NRG3: variants seen among roughly 807,000 people sequenced by gnomAD.
The protein encoded by NRG3 is neuregulin 3.
In NRG3, 31 loss-of-function variants were observed where a neutral mutation model predicts 66.9. The ratio of observed to expected loss-of-function variants is 0.46; its 90% CI spans 0.35 to 0.63. The LOEUF is 0.63. Ranked by LOEUF, NRG3 falls within the 20% of genes least tolerant of loss-of-function variation. The pLI is 0.00. For missense variants in NRG3, 910 were observed against 878.9 expected (o/e 1.04, Z -0.45); for synonymous variants, 393 against 359.4 (o/e 1.09, Z -1.06).
chr10:82,022,933 A>T (rs1031464713), intron 1 of NRG3, among the ~76,000 whole-genome samples: 1 of 150,848 alleles, frequency 6.6e-6, no homozygotes, highest in Admixed American at 6.6e-5. Context: ...TATAAAAATT[A>T]TATATATATT....
chr10:82,505,966 G>A (rs11194745), intron 2 of NRG3, among the ~76,000 whole-genome samples: 8,481 of 152,300 alleles, frequency 0.056, 518 homozygotes, highest in East Asian at 0.17. Flanking sequence ...GACTGTGCAA[G>A]GGCCAGGCGC....
chr10:82,259,807 C>G (rs1187422849), intron 1 of NRG3, among the ~76,000 whole-genome samples: 1 of 152,018 alleles, frequency 6.6e-6, no homozygotes, highest in African/African-American at 2.4e-5. Flanking sequence ...TGCTGCACAC[C>G]TATAGTCCCA....
rs1342568001 is a variant in NRG3, at chr10:82,845,216, A to G, written c.1028-20195A>G. On this transcript the variant is annotated intron_variant, in intron 3 of 8. Transcript: ENST00000372141. Reference sequence around the variant, plus strand: ...GTATTACATGCTTGTTTTGACTTCTATACATGCCAGTAGTGGTGCCTCATA... The same window carrying G: ...GTATTACATGCTTGTTTTGACTTCTGTACATGCCAGTAGTGGTGCCTCATA... Among the ~76,000 whole-genome samples the G allele has an allele frequency of 2.0e-5, 3 of 152,230 alleles. No homozygotes were observed. The East Asian group carries it at 5.8e-4, about 29-fold the overall frequency.
intron 2 of NRG3, among the ~76,000 whole-genome samples, chr10:82,499,787 T>G (rs187786015): frequency 1.8e-4 from 28 of 152,306 alleles, no homozygotes; most frequent in African/African-American, 6.7e-4. Context: ...TATGATTATA[T>G]ACAGGGCAAA....
At chr10:82,937,482 G>T (rs78745006) in intron 4 of NRG3, among the ~76,000 whole-genome samples, 2 of 152,220 alleles carry the variant, frequency 1.3e-5, no homozygotes, top group Non-Finnish European at 2.9e-5. Flanking sequence ...CCACAAACAT[G>T]TGATGGTCAT....
chr10:82,868,421 G>A lies in NRG3; in HGVS notation c.1054+2984G>A, dbSNP rs552857815. Reference sequence around the variant, plus strand: ...AATCATAGCTATAAGACCTCATGGGGAATGAATTCTCAGTGGGTGACTATT... The same window carrying A: ...AATCATAGCTATAAGACCTCATGGGAAATGAATTCTCAGTGGGTGACTATT... On this transcript the variant is annotated intron_variant, in intron 4 of 8. Transcript: ENST00000372141. 3.3e-5 allele frequency among the ~76,000 whole-genome samples: 5 copies of A among 152,222 alleles called. No homozygotes were observed. The South Asian group carries it at 8.3e-4, about 25-fold the overall frequency.
intron 2 of NRG3, among the ~76,000 whole-genome samples, chr10:82,506,151 G>A (rs1456408925): frequency 1.3e-5 from 2 of 152,178 alleles, no homozygotes; most frequent in Non-Finnish European, 1.5e-5. Flanking sequence ...GGGAGACTGA[G>A]GCAAGAGAAT....
At chr10:82,282,719 C>A (rs1285554940) in intron 1 of NRG3, among the ~76,000 whole-genome samples, 1 of 152,050 alleles carries the variant, frequency 6.6e-6, no homozygotes, top group Non-Finnish European at 1.5e-5. Context: ...CTGTTAGGAA[C>A]GAGGGAGCAA....
chr10:82,368,279 C>T (rs1201678375), intron 2 of NRG3, among the ~76,000 whole-genome samples: 1 of 138,148 alleles, frequency 7.2e-6, no homozygotes, highest in East Asian at 2.1e-4. Context: ...TACTCAGAGT[C>T]TCCCAGCACA....
At chr10:81,969,133 G>A (rs1204068302) in intron 1 of NRG3, among the ~76,000 whole-genome samples, 1 of 152,134 alleles carries the variant, frequency 6.6e-6, no homozygotes, top group African/African-American at 2.4e-5. Context: ...ACATGACCGT[G>A]CTTTTGCTGG....
chr10:81,972,928 T>A (rs2059983567), intron 1 of NRG3, among the ~76,000 whole-genome samples: 1 of 152,226 alleles, frequency 6.6e-6, no homozygotes, highest in Non-Finnish European at 1.5e-5. Flanking sequence ...CAATCTTTTT[T>A]AACTTTTAAG....
chr10:82,375,767 C>T (rs2085189592), intron 2 of NRG3, among the ~76,000 whole-genome samples: 1 of 151,972 alleles, frequency 6.6e-6, no homozygotes, highest in South Asian at 2.1e-4. Flanking sequence ...TGTGAAATGG[C>T]GTGATTGAAC....
At chr10:82,524,119 A>G (rs1275745304) in intron 2 of NRG3, among the ~76,000 whole-genome samples, 1 of 152,092 alleles carries the variant, frequency 6.6e-6, no homozygotes, top group African/African-American at 2.4e-5. Context: ...TAAGAACCAA[A>G]ACAAGAGGCA....
chr10:82,390,690 C>T (rs1243477195), intron 2 of NRG3, among the ~76,000 whole-genome samples: 1 of 151,970 alleles, frequency 6.6e-6, no homozygotes, highest in Non-Finnish European at 1.5e-5. Flanking sequence ...TTTAGGGGAC[C>T]AAAAATGGTA....
At chr10:82,521,175 G>A (rs936692115) in intron 2 of NRG3, among the ~76,000 whole-genome samples, 3 of 151,216 alleles carry the variant, frequency 2.0e-5, no homozygotes, top group East Asian at 1.9e-4. Flanking sequence ...GTGCAATAAC[G>A]TTATGTGTAC....
At chr10:82,816,652 G>T in intron 3 of NRG3, among the ~76,000 whole-genome samples, 1 of 152,108 alleles carries the variant, frequency 6.6e-6, no homozygotes, top group Non-Finnish European at 1.5e-5. Context: ...GAGCCTGTCT[G>T]CCTCCTACTT....
At chr10:82,905,897 A>T (rs564362966) in intron 4 of NRG3, among the ~76,000 whole-genome samples, 1 of 152,212 alleles carries the variant, frequency 6.6e-6, no homozygotes, top group South Asian at 2.1e-4. Context: ...GTGGATGCTA[A>T]TTTTGCTTCT....
intron 1 of NRG3, among the ~76,000 whole-genome samples, chr10:82,124,411 A>G (rs768820886): frequency 6.6e-6 from 1 of 152,082 alleles, no homozygotes; most frequent in Non-Finnish European, 1.5e-5. Flanking sequence ...CTCCCAAAAT[A>G]TATACTTTTT....
At chr10:82,643,310 A>C (rs1365246793) in intron 2 of NRG3, among the ~76,000 whole-genome samples, 1 of 152,096 alleles carries the variant, frequency 6.6e-6, no homozygotes, top group Non-Finnish European at 1.5e-5. Context: ...GGTTTTAAAA[A>C]GGAGAGTTTC....
Sources: allele counts gnomAD v4.1 joint callset (sites outside exome capture counted in the v4.1 genomes callset), GRCh38; gene constraint gnomAD v4.1.1; transcripts MANE v1.5; gene names NCBI Gene and HGNC (gene_info 2026-07-23, HGNC 2026-07-21).